Variants in EYA1 observed in about 807,000 individuals in gnomAD.
The protein encoded by EYA1 is protein phosphatase EYA1.
A neutral mutation model predicts 82.0 loss-of-function variants in EYA1; 16 were observed. The ratio of observed to expected loss-of-function variants is 0.20; its 90% CI spans 0.13 to 0.30. EYA1 has a LOEUF of 0.30. Ranked by LOEUF, EYA1 falls within the 10% of genes least tolerant of loss-of-function variation. The pLI is 1.00. For synonymous variants in EYA1, 261 were observed against 264.4 expected (o/e 0.99, Z 0.12); for missense variants, 633 against 730.7 (o/e 0.87, Z 1.54).
intron 6 of EYA1, among the ~76,000 whole-genome samples, chr8:71,319,559 C>T (rs1272946066): frequency 2.0e-5 from 3 of 152,240 alleles, no homozygotes; most frequent in African/African-American, 7.2e-5. Context: ...GTGACTTCTA[C>T]CTACAAGGTG....
Position 71,210,729 on chromosome 8 carries a change from C to T in EYA1, c.1698+427G>A, listed in dbSNP as rs1042193147. 2.0e-5 allele frequency among the ~76,000 whole-genome samples: 3 copies of T among 152,188 alleles called. No individual in the cohort carries two copies. The East Asian group carries it at 5.8e-4, about 29-fold the overall frequency. ...CTGGGGCAGCAGATAGTTTTATCTTCCAAGTCAGCTTTGACCAACTGATAG... is the reference window on the plus strand; with the variant it reads ...CTGGGGCAGCAGATAGTTTTATCTTTCAAGTCAGCTTTGACCAACTGATAG... On this transcript the variant is annotated intron_variant, in intron 17 of 17. Transcript: ENST00000340726.
intron 12 of EYA1, among the ~76,000 whole-genome samples, chr8:71,224,508 T>C (rs1024358801): frequency 2.0e-5 from 3 of 152,370 alleles, no homozygotes; most frequent in South Asian, 2.1e-4. Flanking sequence ...GACTTCCCTA[T>C]TGAGCAATTT....
At position 71,292,372 on chromosome 8, in the gene EYA1, A is replaced by T. The variant is rs1020081553; in HGVS notation, c.826+6675T>A. 2.0e-5 allele frequency among the ~76,000 whole-genome samples: 3 copies of T among 152,120 alleles called. No individual in the cohort carries two copies. The East Asian group carries it at 5.8e-4, about 29-fold the overall frequency. The stretch of plus-strand genomic sequence containing the variant: ...CTTTGTAAAAGATGGGTTTTTAAAA[A>T]TAAAAATGAGTGAAATCTGTAATTT... On this transcript the variant is annotated intron_variant, in intron 9 of 17. Transcript: ENST00000340726.
At chr8:71,465,453 T>C (rs1475985345) in intron 2 of EYA1, among the ~76,000 whole-genome samples, 1 of 151,986 alleles carries the variant, frequency 6.6e-6, no homozygotes, top group Non-Finnish European at 1.5e-5. Flanking sequence ...TGAAACTCCA[T>C]CTCTACTAAA....
chr8:71,207,591 C>A (rs533207917), intron 17 of EYA1, among the ~76,000 whole-genome samples: 2 of 152,138 alleles, frequency 1.3e-5, no homozygotes, highest in African/African-American at 4.8e-5. Context: ...CTCATTTGGT[C>A]AAAAAATTCA....
intron 2 of EYA1, among the ~76,000 whole-genome samples, chr8:71,517,330 C>T (rs1813043251): frequency 6.6e-6 from 1 of 151,986 alleles, no homozygotes; most frequent in African/African-American, 2.4e-5. Context: ...ATGTCTTTTA[C>T]AGTTAAACAT....
upstream of EYA1, among the ~76,000 whole-genome samples, chr8:71,366,865 G>T (rs1174883381): frequency 1.3e-5 from 2 of 152,042 alleles, no homozygotes; most frequent in Admixed American, 1.3e-4. Context: ...TTGACGCAAG[G>T]TGATAGCCCA....
At chr8:71,428,317 G>GT (rs1323625844) in intron 2 of EYA1, among the ~76,000 whole-genome samples, 1 of 152,170 alleles carries the variant, frequency 6.6e-6, no homozygotes, top group East Asian at 1.9e-4. Context: ...ACCAACCTAT[G>GT]TTGTTGTGTG....
intron 16 of EYA1, among the ~76,000 whole-genome samples, chr8:71,213,524 T>G (rs1369435788): frequency 2.0e-5 from 3 of 152,366 alleles, no homozygotes; most frequent in African/African-American, 7.2e-5. Flanking sequence ...ACATAAAAGT[T>G]CTGGTTATAA....
chr8:71,474,946 A>G (rs1457970260), intron 2 of EYA1, among the ~76,000 whole-genome samples: 1 of 152,184 alleles, frequency 6.6e-6, no homozygotes, highest in Non-Finnish European at 1.5e-5. Context: ...AGCCTGACCA[A>G]CATGGTGAAA....
At chr8:71,214,764 A>G (rs968030535) in intron 16 of EYA1, among the ~76,000 whole-genome samples, 35 of 152,376 alleles carry the variant, frequency 2.3e-4, no homozygotes, top group African/African-American at 8.4e-4. Flanking sequence ...GCTCATTTGC[A>G]TACTCTTGTA....
chr8:71,532,531 C>A (rs1814374677), intron 2 of EYA1, among the ~76,000 whole-genome samples: 1 of 152,170 alleles, frequency 6.6e-6, no homozygotes, highest in Non-Finnish European at 1.5e-5. Flanking sequence ...AATAAAGATT[C>A]ATAATATTAT....
chr8:71,332,803 A>G (rs563394847), intron 4 of EYA1, among the ~76,000 whole-genome samples: 7 of 152,196 alleles, frequency 4.6e-5, no homozygotes, highest in Admixed American at 1.3e-4. Flanking sequence ...CTCATACTGT[A>G]CACACACCAG....
chr8:71,264,433 C>A (rs534656163), intron 11 of EYA1, among the ~76,000 whole-genome samples: 4 of 152,184 alleles, frequency 2.6e-5, no homozygotes, highest in African/African-American at 4.8e-5. Flanking sequence ...CAAGTGAGAT[C>A]CTCTTAGAAG....
At chr8:71,209,978 T>G (rs773175948) in intron 17 of EYA1, among the ~76,000 whole-genome samples, 1 of 152,206 alleles carries the variant, frequency 6.6e-6, no homozygotes, top group Non-Finnish European at 1.5e-5. Context: ...TAGCTACCAT[T>G]TGTTGTACAC....
At chr8:71,317,486 G>T (rs1056337995) in intron 7 of EYA1, 66 bp downstream of exon 7, 40 of 1,524,992 alleles carry the variant, frequency 2.6e-5, no homozygotes, top group Admixed American at 1.2e-4. Context: ...GGAACATCAG[G>T]TTCTACTTTA....
chr8:71,441,782 T>C (rs1324433049), intron 2 of EYA1, among the ~76,000 whole-genome samples: 2 of 152,198 alleles, frequency 1.3e-5, no homozygotes, highest in Admixed American at 6.5e-5. Flanking sequence ...ATAACTTTAA[T>C]CTCCAGTGCA....
intron 2 of EYA1, among the ~76,000 whole-genome samples, chr8:71,496,730 C>A (rs550060487): frequency 2.6e-5 from 4 of 152,254 alleles, no homozygotes; most frequent in Admixed American, 1.3e-4. Context: ...CCAGCTTTTA[C>A]CCTCTGTCTT....
intron 2 of EYA1, among the ~76,000 whole-genome samples, chr8:71,472,790 T>TAG (rs773955320): frequency 1.0e-5 from 1 of 96,552 alleles, no homozygotes; most frequent in Non-Finnish European, 2.4e-5. Context: ...GCTTTGAAGA[T>TAG]ATATATATAT....
Sources: gnomAD v4.1 joint callset for allele counts (sites outside exome capture counted in the v4.1 genomes callset) on GRCh38, gnomAD v4.1.1 for gene constraint, MANE v1.5 for transcripts, NCBI Gene and HGNC (gene_info 2026-07-23, HGNC 2026-07-21) for gene names.